Variants in APBB2 observed in about 807,000 individuals in gnomAD.
The protein encoded by APBB2 is amyloid beta precursor protein binding family B member 2, also known as Fe65-like 1.
A neutral mutation model predicts 82.5 loss-of-function variants in APBB2; 38 were observed. The observed-to-expected ratio is 0.46, with a 90% CI of 0.36 to 0.60. The LOEUF (loss-of-function observed/expected upper bound fraction) is 0.60. APBB2 is among the 20% of genes least tolerant of loss of function. The pLI is 0.00. For missense variants in APBB2, 772 were observed against 972.3 expected, an observed-to-expected ratio of 0.79 and a Z score of 2.74; for synonymous variants, 341 against 368.2, an observed-to-expected ratio of 0.93 and a Z score of 0.85.
At chr4:41,036,530 C>T (rs1485652409) in intron 4 of APBB2, among the ~76,000 whole-genome samples, 4 of 152,106 alleles carry the variant, frequency 2.6e-5, no homozygotes, top group Admixed American at 6.6e-5. Flanking sequence ...ACACATTTAC[C>T]GTCTTGTGGA....
At chr4:41,114,227 T>G (rs980698348) in intron 2 of APBB2, among the ~76,000 whole-genome samples, 1 of 152,140 alleles carries the variant, frequency 6.6e-6, no homozygotes, top group Admixed American at 6.6e-5. Flanking sequence ...AAAAACCACA[T>G]GATTATCTCA....
chr4:41,164,315 C>T (rs1479825790), intron 1 of APBB2, among the ~76,000 whole-genome samples: 1 of 152,204 alleles, frequency 6.6e-6, no homozygotes, highest in Non-Finnish European at 1.5e-5. Flanking sequence ...CAGATTTTCA[C>T]ATGAGGGGTA....
At chr4:40,861,536 T>C (rs1364043743) in intron 12 of APBB2, among the ~76,000 whole-genome samples, 2 of 152,050 alleles carry the variant, frequency 1.3e-5, no homozygotes, top group African/African-American at 4.8e-5. Flanking sequence ...CTAAAATAAA[T>C]GAATAAATGA....
At chr4:40,964,776 A>ACACACACACACACACACACACACAC (rs1553884405) in intron 6 of APBB2, among the ~76,000 whole-genome samples, 2 of 150,490 alleles carry the variant, frequency 1.3e-5, no homozygotes, top group East Asian at 2.0e-4. Context: ...ACACACACAC[A>ACACACACACACACACACACACACAC]ACAATGCACA....
intron 12 of APBB2, among the ~76,000 whole-genome samples, chr4:40,873,332 T>TA (rs968782556): frequency 2.0e-5 from 3 of 152,110 alleles, no homozygotes; most frequent in Admixed American, 6.5e-5. Flanking sequence ...ATCTTTTATT[T>TA]AAAAAAAATT....
intron 12 of APBB2, among the ~76,000 whole-genome samples, chr4:40,834,778 A>G (rs796168019): frequency 2.6e-5 from 4 of 152,160 alleles, no homozygotes; most frequent in African/African-American, 7.2e-5. Context: ...AAGAAAACGG[A>G]TTCTCCCCGA....
chr4:40,880,634 G>C (rs974531589), intron 12 of APBB2: 1 of 985,242 alleles, frequency 1.0e-6, no homozygotes, highest in Non-Finnish European at 1.2e-6. Context: ...AGAAGATCAC[G>C]GCACTTTGAG....
chr4:41,049,242 C>T (rs1254853508), intron 4 of APBB2, among the ~76,000 whole-genome samples: 9 of 151,124 alleles, frequency 6.0e-5, no homozygotes, highest in African/African-American at 1.5e-4. Context: ...GCCGCGACCC[C>T]GTCTGGGAGG....
intron 5 of APBB2, among the ~76,000 whole-genome samples, chr4:41,019,569 T>C (rs956234715): frequency 4.6e-5 from 7 of 151,924 alleles, no homozygotes; most frequent in Admixed American, 4.6e-4. Context: ...CGTTCAGAAA[T>C]AGTCACAGAG....
rs1312115385 is a variant in APBB2, at chr4:40,810,619, A to AAAC, written c.*5470_*5472dup. 23 of 151,464 alleles carry AAAC rather than the reference A, an allele frequency of 1.5e-4. No homozygotes were observed. The highest frequency in any genetic ancestry group is 5.6e-4 in the African/African-American group (23 of 41,296). 9.4% of individuals were successfully genotyped at this position (151,464 alleles called of 1,614,324 possible). ...AAAAAAAAGTGTCAATGAAGAAAGG[A>AAAC]AACAAGACTTTTTATAGTTGAACCA... On this transcript the variant is annotated 3_prime_UTR_variant, in exon 18 of 18. Transcript: ENST00000508593.
chr4:40,817,663 T>C (rs1431039457), intron 17 of APBB2, among the ~76,000 whole-genome samples: 21 of 152,208 alleles, frequency 1.4e-4, no homozygotes, highest in Admixed American at 1.4e-3. Flanking sequence ...GGAAGGACTG[T>C]CACTCCATGG....
At chr4:41,117,293 T>C in intron 2 of APBB2, among the ~76,000 whole-genome samples, 1 of 128,962 alleles carries the variant, frequency 7.8e-6, no homozygotes, top group East Asian at 2.0e-4. Flanking sequence ...ATTATTATTA[T>C]TATTTTTTTT....
At chr4:41,002,626 T>C (rs1805551695) in intron 6 of APBB2, among the ~76,000 whole-genome samples, 1 of 152,234 alleles carries the variant, frequency 6.6e-6, no homozygotes, top group African/African-American at 2.4e-5. Flanking sequence ...TGCTGACTGT[T>C]GTCTCTTTGG....
chr4:40,967,759 G>A (rs1795015069), intron 6 of APBB2, among the ~76,000 whole-genome samples: 1 of 152,158 alleles, frequency 6.6e-6, no homozygotes, highest in Admixed American at 6.5e-5. Context: ...AATGAGCCCA[G>A]CAGGCCCGAG....
chr4:41,119,521 T>C (rs1479103216), intron 2 of APBB2, among the ~76,000 whole-genome samples: 1 of 130,724 alleles, frequency 7.6e-6, no homozygotes, highest in Non-Finnish European at 1.6e-5. Flanking sequence ...GGAAGTTCCA[T>C]TAAAAAAAAA....
chr4:40,944,964 C>A lies in APBB2; in HGVS notation c.945G>T (p.Thr315=). 1 of 1,613,636 alleles carries A rather than the reference C, an allele frequency of 6.2e-7. No homozygotes were observed. The part of the protein sequence containing the change: ...GTYYWHIPTG[T]TQWERPVSIP... ...TGGAGACGGGCCGTTCCCACTGAGT[C>A]GTTCCTGTTGGGATGTGCCAATAAT... The change falls in exon 7 of 18, where the codon ACG becomes ACT. Residue 315 remains threonine (T), a synonymous_variant. Transcript: ENST00000508593.
intron 2 of APBB2, among the ~76,000 whole-genome samples, chr4:41,133,944 T>C (rs779131538): frequency 6.6e-6 from 1 of 152,120 alleles, no homozygotes; most frequent in Non-Finnish European, 1.5e-5. Flanking sequence ...CTGGGCCACA[T>C]ACCTAGCTAT....
At chr4:41,188,378 A>G in intron 1 of APBB2, among the ~76,000 whole-genome samples, 1 of 152,172 alleles carries the variant, frequency 6.6e-6, no homozygotes, top group East Asian at 1.9e-4. Flanking sequence ...TCCAAAATTC[A>G]TGTGTTGGAA....
At chr4:41,196,655 C>T in intron 1 of APBB2, among the ~76,000 whole-genome samples, 1 of 142,812 alleles carries the variant, frequency 7.0e-6, no homozygotes, top group South Asian at 2.2e-4. Context: ...GGTTTGACCA[C>T]AAGTGTTAAC....
Sources: allele counts gnomAD v4.1 joint callset (sites outside exome capture counted in the v4.1 genomes callset), GRCh38; gene constraint gnomAD v4.1.1; transcripts MANE v1.5; gene names NCBI Gene and HGNC (gene_info 2026-07-23, HGNC 2026-07-21).